The following DSCAML1 variants were observed in gnomAD, a reference collection of about 807,000 sequenced individuals.
DSCAML1 encodes the protein cell adhesion molecule DSCAML1.
In DSCAML1, 38 loss-of-function variants were observed where a neutral mutation model predicts 200.5. The ratio of observed to expected loss-of-function variants is 0.19; its 90% CI spans 0.15 to 0.25. DSCAML1 has a LOEUF of 0.25. Ranked by LOEUF, DSCAML1 falls within the 10% of genes least tolerant of loss-of-function variation. DSCAML1 has a pLI of 1.00. For missense variants in DSCAML1, 2,223 were observed against 2,858.8 expected, an observed-to-expected ratio of 0.78 and a Z score of 5.07; for synonymous variants, 1,215 against 1,165.0, an observed-to-expected ratio of 1.04 and a Z score of -0.87.
At chr11:117,713,932 C>T (rs2053899361) in intron 3 of DSCAML1, among the ~76,000 whole-genome samples, 1 of 152,188 alleles carries the variant, frequency 6.6e-6, no homozygotes, top group African/African-American at 2.4e-5. Flanking sequence ...CAGAGCAGCA[C>T]GGCACTGGTT....
chr11:117,429,638 T>G (rs2047743124), intron 32 of DSCAML1, among the ~76,000 whole-genome samples: 1 of 152,190 alleles, frequency 6.6e-6, no homozygotes, highest in African/African-American at 2.4e-5. Context: ...CCTCCCAAAG[T>G]GCTGGGATTA....
At chr11:117,525,822 A>T (rs1323914155) in intron 4 of DSCAML1, among the ~76,000 whole-genome samples, 1 of 152,140 alleles carries the variant, frequency 6.6e-6, no homozygotes, top group East Asian at 1.9e-4. Context: ...CAAGTTTGCA[A>T]TTCATGGTAA....
chr11:117,633,788 G>A (rs1311777981), intron 3 of DSCAML1, among the ~76,000 whole-genome samples: 3 of 152,198 alleles, frequency 2.0e-5, no homozygotes, highest in African/African-American at 7.2e-5. Flanking sequence ...TTTGGAGGGC[G>A]AGGCAGAGGT....
Position 117,518,585 on chromosome 11 carries a change from C to T in DSCAML1, c.1391G>A (p.Gly464Asp). The T allele has an allele frequency of 1.2e-6, 2 of 1,614,076 alleles. No individual in the cohort carries two copies. The highest frequency in any genetic ancestry group is 1.1e-5 in the South Asian group (1 of 91,078). The change falls in exon 7 of 33, where the codon GGC (glycine) becomes GAC (aspartate). Residue 464 changes from glycine to aspartate, a missense_variant. Gly to Asp is a moderately conservative substitution (Grantham distance 94, BLOSUM62 -1). Transcript: ENST00000651296. The surrounding 1 kb of genome is among the most constrained non-coding windows in gnomAD (Gnocchi z 6.3). Reference sequence around the variant, plus strand: ...GACGTTCATGTGGCTGATGGTGGTGCCGTCCGACATGGTGTACTGGTTGGT... The same window carrying T: ...GACGTTCATGTGGCTGATGGTGGTGTCGTCCGACATGGTGTACTGGTTGGT... Reference protein sequence around the residue: ...HRTNQYTMSDGTTISHMNVTG... With the variant: ...HRTNQYTMSDDTTISHMNVTG...
At chr11:117,603,888 C>T (rs2051513177) in intron 3 of DSCAML1, among the ~76,000 whole-genome samples, 1 of 152,232 alleles carries the variant, frequency 6.6e-6, no homozygotes, top group South Asian at 2.1e-4. Flanking sequence ...TGAGCAGCTA[C>T]CGTGTGCCAG....
intron 14 of DSCAML1, among the ~76,000 whole-genome samples, chr11:117,474,442 T>C (rs2048747933): frequency 6.6e-6 from 1 of 152,200 alleles, no homozygotes; most frequent in Non-Finnish European, 1.5e-5. Flanking sequence ...TCTCTTGCCA[T>C]GCACTTTCCC....
At chr11:117,547,293 A>C (rs2050389241) in intron 3 of DSCAML1, among the ~76,000 whole-genome samples, 1 of 152,178 alleles carries the variant, frequency 6.6e-6, no homozygotes, top group Non-Finnish European at 1.5e-5. Context: ...TCACGGTATA[A>C]TAGAAATCAC....
chr11:117,763,381 AG>A (rs2054840666), intron 3 of DSCAML1, among the ~76,000 whole-genome samples: 1 of 151,152 alleles, frequency 6.6e-6, no homozygotes, highest in Non-Finnish European at 1.5e-5. Context: ...AGGCTGTGTC[AG>A]TGAACTCCTG....
intron 30 of DSCAML1, among the ~76,000 whole-genome samples, 184 bp from the exon 31 acceptor site, chr11:117,431,912 C>T (rs562857221): frequency 6.7e-6 from 1 of 150,202 alleles, no homozygotes; most frequent in East Asian, 1.9e-4. Context: ...GCAATCGAGT[C>T]AAGGTTGGGG....
At chr11:117,759,014 T>C (rs1384818962) in intron 3 of DSCAML1, among the ~76,000 whole-genome samples, 4 of 152,174 alleles carry the variant, frequency 2.6e-5, no homozygotes, top group African/African-American at 9.7e-5. Flanking sequence ...CACGCTGATA[T>C]GCACATTAAC....
At chr11:117,604,479 C>T (rs2051526119) in intron 3 of DSCAML1, among the ~76,000 whole-genome samples, 1 of 152,180 alleles carries the variant, frequency 6.6e-6, no homozygotes, top group Non-Finnish European at 1.5e-5. Flanking sequence ...AACAGAGGCC[C>T]CACCTTGGTG....
chr11:117,690,456 A>C (rs757824258), intron 3 of DSCAML1, among the ~76,000 whole-genome samples: 2 of 152,228 alleles, frequency 1.3e-5, no homozygotes, highest in Non-Finnish European at 2.9e-5. Context: ...GGGCCTTTCA[A>C]CATCAGTCGC....
At chr11:117,737,615 A>G (rs965165350) in intron 3 of DSCAML1, among the ~76,000 whole-genome samples, 1 of 152,240 alleles carries the variant, frequency 6.6e-6, no homozygotes, top group Non-Finnish European at 1.5e-5. Flanking sequence ...TATATGTTTA[A>G]GGTGGTGTTT....
Position 117,428,674 on chromosome 11 carries a change from G to A in DSCAML1, c.5816C>T (p.Thr1939Ile), listed in dbSNP as rs2047717734. 5 of 1,612,848 alleles carry A rather than the reference G, an allele frequency of 3.1e-6. No homozygotes were observed. Among genetic ancestry groups the A allele is most frequent in the South Asian group, 2.2e-5 (2 of 90,614 alleles). Residue 1939 changes from threonine (T) to isoleucine (I), a missense_variant, in exon 33 of 33, where the codon ACC becomes ATC. Around this residue, in one of 7 missense-constraint regions of DSCAML1, gnomAD observed 280 missense variants for 213.4 expected, o/e 1.31. Coordinates refer to ENST00000651296, the MANE Select transcript of DSCAML1 (RefSeq NM_020693.4). ...GTCCAGGGTCAGGTGGCGAGCCTGG[G>A]TGTGGTAGGTTCGAGCCAGGTTCCG... ...SIRNLARTYHTQARHLTLDPA... is the reference protein window; with the variant it reads ...SIRNLARTYHIQARHLTLDPA...
At chr11:117,577,439 TC>T (rs2050954019) in intron 3 of DSCAML1, among the ~76,000 whole-genome samples, 1 of 69,372 alleles carries the variant, frequency 1.4e-5, no homozygotes. Context: ...CTTCCTTCTT[TC>T]CTTCCTTCCT....
At chr11:117,760,563 C>T (rs1316164043) in intron 3 of DSCAML1, among the ~76,000 whole-genome samples, 1 of 152,160 alleles carries the variant, frequency 6.6e-6, no homozygotes, top group Non-Finnish European at 1.5e-5. Flanking sequence ...CACGCATTTC[C>T]CCTGCAGCAT....
chr11:117,513,858 T>C (rs2137298647), intron 8 of DSCAML1, among the ~76,000 whole-genome samples: 1 of 152,070 alleles, frequency 6.6e-6, no homozygotes, highest in African/African-American at 2.4e-5. Context: ...TGTCTGGCAC[T>C]GTGATGGGTG....
intron 3 of DSCAML1, among the ~76,000 whole-genome samples, chr11:117,548,876 C>T (rs997844047): frequency 6.6e-6 from 1 of 152,174 alleles, no homozygotes; most frequent in Non-Finnish European, 1.5e-5. Flanking sequence ...GCTGGGCTGC[C>T]GTGGAACTGT....
intron 3 of DSCAML1, among the ~76,000 whole-genome samples, chr11:117,715,500 T>A (rs2053936919): frequency 6.6e-6 from 1 of 152,246 alleles, no homozygotes; most frequent in Non-Finnish European, 1.5e-5. Context: ...TGCCAGGAAC[T>A]GTGCTCGGCA....
Sources: gnomAD v4.1 joint callset for allele counts (sites outside exome capture counted in the v4.1 genomes callset) on GRCh38, gnomAD v4.1.1 for gene constraint, gnomAD v4.1.1 regional missense constraint, Gnocchi (gnomAD v3.1) non-coding constraint, MANE v1.5 for transcripts, NCBI Gene and HGNC (gene_info 2026-07-23, HGNC 2026-07-21) for gene names.